NBPF26: variants seen among roughly 807,000 people sequenced by gnomAD.
NBPF26 encodes NBPF family member NBPF26.
NBPF26 carries 79 observed loss-of-function variants against 119.6 expected under a neutral mutation model. The observed-to-expected ratio is 0.66, with a 90% CI of 0.55 to 0.80. The LOEUF is 0.80. Ranked by LOEUF, NBPF26 falls within the 30% of genes least tolerant of loss-of-function variation. The probability of loss-of-function intolerance (pLI) is 0.00; values close to 1 mark genes in which losing one functional copy is unlikely to be tolerated. For missense variants in NBPF26, 800 were observed against 1,198.2 expected (o/e 0.67, Z 4.91); for synonymous variants, 299 against 457.7 (o/e 0.65, Z 4.43).
At chr1:120,840,695 G>T (rs1652500908), downstream of NBPF26, 7 of 1,306,312 alleles carry the variant, frequency 5.4e-6, 1 homozygote, top group Non-Finnish European at 7.2e-6. Flanking sequence ...CCCAGACATA[G>T]GATGGTTCAG....
At position 120,813,411 on chromosome 1, in the gene NBPF26, A is replaced by T. The variant is rs1229602402; in HGVS notation, c.1775-480A>T. Among the ~76,000 whole-genome samples, 15 of 127,684 alleles carry T rather than the reference A, an allele frequency of 1.2e-4. No individual in the cohort carries two copies. The South Asian group carries it at 3.2e-3, about 27-fold the overall frequency. 83.8% of individuals were successfully genotyped at this position (127,684 alleles called of 152,430 possible). A position where few individuals can be genotyped will look rare whatever the true frequency, so the allele number is the denominator to read the frequency against. On this transcript the variant is annotated intron_variant, in intron 10 of 29. Coordinates refer to ENST00000620612, the Ensembl canonical transcript of NBPF26. ...ATATGATTCTTAAAATCATAACTGG[A>T]GATATGATTTAAAAATCAAAGATTT...
At chr1:120,768,194 G>A (rs1414086386) in intron 2 of NBPF26, among the ~76,000 whole-genome samples, 7 of 113,580 alleles carry the variant, frequency 6.2e-5, no homozygotes. Context: ...CTTAGTCATG[G>A]GATAGGGCTC....
At position 120,814,842 on chromosome 1, in the gene NBPF26, CT is replaced by C. The variant is rs1352502931; in HGVS notation, c.1892del (p.Leu631ArgfsTer9). Reference sequence around the variant, plus strand: ...GTCTCACCTTAGGCAATATAAAGTCCTGGTTCACGCTCAGGAACGAGAGCTG... The same window carrying C: ...GTCTCACCTTAGGCAATATAAAGTCCGGTTCACGCTCAGGAACGAGAGCTG... On this transcript the variant is annotated frameshift_variant, in exon 12 of 30. Coordinates refer to ENST00000620612, the Ensembl canonical transcript of NBPF26. LOFTEE classifies it high-confidence loss of function. 1 of 1,264,626 alleles carries C rather than the reference CT, an allele frequency of 7.9e-7. No individual in the cohort carries two copies. 78.3% of individuals were successfully genotyped at this position (1,264,626 alleles called of 1,614,324 possible).
intron 1 of NBPF26, among the ~76,000 whole-genome samples, chr1:120,758,253 A>G (rs1651096737): frequency 8.3e-6 from 1 of 119,868 alleles, no homozygotes; most frequent in South Asian, 2.5e-4. Flanking sequence ...TGGTTAAAGT[A>G]AGAAATGGCT....
intron 23 of NBPF26, among the ~76,000 whole-genome samples, chr1:120,833,231 G>A (rs1652396996): frequency 8.7e-6 from 1 of 114,686 alleles, no homozygotes; most frequent in Non-Finnish European, 1.7e-5. Context: ...ATCGAATTTT[G>A]AGCATATTTT....
chr1:120,807,901 C>A lies in NBPF26; in HGVS notation c.1064+192C>A, dbSNP rs1651743136. ...AAAAATGTATGGGTTGCAGTTGTTT[C>A]TCAGAGCCTTGTTTTCTCTTTTTCA... On this transcript the variant is annotated intron_variant, in intron 6 of 29. Transcript: ENST00000620612. Among the ~76,000 whole-genome samples, 3 of 121,298 alleles carry A rather than the reference C, an allele frequency of 2.5e-5. 1 individual carries two copies. Among genetic ancestry groups the A allele is most frequent in the African/African-American group, 8.1e-5 (2 of 24,690 alleles). The allele number at this position is 121,298 out of a possible 152,430, so 79.6% of individuals were successfully genotyped here. A position where few individuals can be genotyped will look rare whatever the true frequency, so the allele number is the denominator to read the frequency against.
chr1:120,784,126 T>C lies in NBPF26; in HGVS notation c.156-848T>C, dbSNP rs1651395913. On this transcript the variant is annotated intron_variant, in intron 2 of 29. Transcript: ENST00000620612. Reference sequence around the variant, plus strand: ...AAATGGGACCTCATGAAAGTGTGGGTTAAAAGAGACTTGTATATCTTCTAA... The same window carrying C: ...AAATGGGACCTCATGAAAGTGTGGGCTAAAAGAGACTTGTATATCTTCTAA... Among the ~76,000 whole-genome samples the C allele has an allele frequency of 1.7e-5, 2 of 117,928 alleles. 1 individual carries two copies. The highest frequency in any genetic ancestry group is 3.3e-5 in the Non-Finnish European group (2 of 61,124). The allele number at this position is 117,928 out of a possible 152,430, so 77.4% of individuals were successfully genotyped here.
chr1:120,745,196 G>T (rs1246097692), intron 1 of NBPF26, among the ~76,000 whole-genome samples: 1 of 109,734 alleles, frequency 9.1e-6, no homozygotes, highest in South Asian at 2.6e-4. Flanking sequence ...ATTCTTTACT[G>T]CACGCTTTAG....
In NBPF26 at chr1:120,805,805, A is replaced by G; in HGVS notation, c.961+40A>G. 9.4e-6 allele frequency: 12 copies of G among 1,274,528 alleles called. 4 individuals carry two copies. The African/African-American group carries it at 1.7e-4, about 18-fold the overall frequency. 79.0% of individuals were successfully genotyped at this position (1,274,528 alleles called of 1,614,324 possible). ...CTCACCATCATGAAAGTGATGAATG[A>G]TATCCTGTCTTCTCTCTGAGACACT... On this transcript the variant is annotated intron_variant, in intron 5 of 29. Transcript: ENST00000620612.
rs1321876914 is a variant in NBPF26 at position 120,825,579 on chromosome 1, A to G, written c.2812+1433A>G. Among the ~76,000 whole-genome samples the G allele has an allele frequency of 4.0e-5, 4 of 100,088 alleles. 1 individual carries two copies. The highest frequency in any genetic ancestry group is 2.1e-4 in the African/African-American group (3 of 14,406). The allele number at this position is 100,088 out of a possible 152,430, so 65.7% of individuals were successfully genotyped here. ...TTGCAGGAGTCACTGGATAGATGCT[A>G]TTCAACTCCTTCAGGTTGTCTTGAA... On this transcript the variant is annotated intron_variant, in intron 18 of 29. Coordinates refer to ENST00000620612, the Ensembl canonical transcript of NBPF26.
intron 10 of NBPF26, among the ~76,000 whole-genome samples, chr1:120,813,152 C>T (rs1481875443): frequency 3.3e-5 from 4 of 120,130 alleles, no homozygotes; most frequent in African/African-American, 1.3e-4. Flanking sequence ...TTGTCTGTCC[C>T]TCAGTTTCCT....
intron 17 of NBPF26, among the ~76,000 whole-genome samples, chr1:120,823,657 T>A (rs1553272325): frequency 8.0e-6 from 1 of 124,698 alleles, no homozygotes; most frequent in Non-Finnish European, 1.6e-5. Context: ...ATGCTTTTCA[T>A]GATCACTGTT....
chr1:120,806,911 C>G (rs1417494440), intron 5 of NBPF26, among the ~76,000 whole-genome samples: 1 of 125,962 alleles, frequency 7.9e-6, no homozygotes, highest in Non-Finnish European at 1.6e-5. Flanking sequence ...TCTCCTTGAA[C>G]ATTAATTGGC....
Position 120,729,785 on chromosome 1 carries a change from G to A in NBPF26, c.73+5535G>A, listed in dbSNP as rs1307523691. 2.6e-5 allele frequency among the ~76,000 whole-genome samples: 3 copies of A among 116,020 alleles called. 1 individual carries two copies. Among genetic ancestry groups the A allele is most frequent in the Admixed American group, 2.4e-4 (3 of 12,256 alleles). The allele number at this position is 116,020 out of a possible 152,430, so 76.1% of individuals were successfully genotyped here. A position where few individuals can be genotyped will look rare whatever the true frequency, so the allele number is the denominator to read the frequency against. Reference sequence around the variant, plus strand: ...TTCAGTGCATCTGGAGTGTCATCTGGGAATTTGTGTGTTCAAGAAATAGCC... The same window carrying A: ...TTCAGTGCATCTGGAGTGTCATCTGAGAATTTGTGTGTTCAAGAAATAGCC... On this transcript the variant is annotated intron_variant, in intron 1 of 29. Coordinates refer to ENST00000620612, the Ensembl canonical transcript of NBPF26.
chr1:120,818,706 G>C (rs1652065327), intron 15 of NBPF26, among the ~76,000 whole-genome samples: 2 of 123,404 alleles, frequency 1.6e-5, no homozygotes, highest in African/African-American at 3.9e-5. Flanking sequence ...TGGTTTCAAA[G>C]AACATCTTTA....
chr1:120,794,489 C>A lies in NBPF26; in HGVS notation c.751+993C>A, dbSNP rs1321748669. On this transcript the variant is annotated intron_variant, in intron 4 of 29. Coordinates refer to ENST00000620612, the Ensembl canonical transcript of NBPF26. The stretch of plus-strand genomic sequence containing the variant: ...GTAATGTGCTAAGTAAGCAGAATTG[C>A]CTCAAAAAGAAGTTGTTCTAGTTAC... Among the ~76,000 whole-genome samples, 3 of 112,506 alleles carry A rather than the reference C, an allele frequency of 2.7e-5. 1 individual carries two copies. Among genetic ancestry groups the A allele is most frequent in the Non-Finnish European group, 5.0e-5 (3 of 59,488 alleles). The allele number at this position is 112,506 out of a possible 152,430, so 73.8% of individuals were successfully genotyped here.
intron 1 of NBPF26, among the ~76,000 whole-genome samples, chr1:120,742,304 TGTGTGTGC>T (rs1650947247): frequency 3.3e-4 from 10 of 30,730 alleles, no homozygotes; most frequent in Non-Finnish European, 3.6e-4. Flanking sequence ...TAACTCTGTG[TGTGTGTGC>T]GTGTGTGTGT....
At chr1:120,789,463 G>T (rs1474763824) in intron 3 of NBPF26, among the ~76,000 whole-genome samples, 4 of 113,466 alleles carry the variant, frequency 3.5e-5, no homozygotes, top group East Asian at 4.3e-4. Flanking sequence ...CACTTCTTTC[G>T]TGGTGGTGGC....
At chr1:120,806,929 A>G (rs1553270167) in intron 5 of NBPF26, among the ~76,000 whole-genome samples, 1 of 125,456 alleles carries the variant, frequency 8.0e-6, no homozygotes, top group Non-Finnish European at 1.6e-5. Context: ...GGCACAGTGT[A>G]AACACTATCT....
Sources: allele counts gnomAD v4.1 joint callset (sites outside exome capture counted in the v4.1 genomes callset), GRCh38; gene constraint gnomAD v4.1.1; transcripts MANE v1.5; gene names NCBI Gene and HGNC (gene_info 2026-07-23, HGNC 2026-07-21).